The following KDM4D variants were observed in gnomAD, a reference collection of about 807,000 sequenced individuals.
KDM4D encodes the protein lysine-specific demethylase 4D.
For synonymous variants in KDM4D, 254 were observed against 249.1 expected, an observed-to-expected ratio of 1.02 and a Z score of -0.19; for missense variants, 427 against 674.8, an observed-to-expected ratio of 0.63 and a Z score of 4.07.
At chr11:94,980,869 G>A (rs1418826946) in intron 2 of KDM4D, among the ~76,000 whole-genome samples, 2 of 152,078 alleles carry the variant, frequency 1.3e-5, no homozygotes, top group African/African-American at 2.4e-5. Flanking sequence ...TGCCAATAGT[G>A]ACAGCTTTGT....
chr11:94,992,589 CT>C (rs1555098807), intron 2 of KDM4D, among the ~76,000 whole-genome samples: 1 of 151,834 alleles, frequency 6.6e-6, no homozygotes, highest in Non-Finnish European at 1.5e-5. Flanking sequence ...TATATTTTTT[CT>C]TTAAAGTTTT....
intron 2 of KDM4D, among the ~76,000 whole-genome samples, chr11:94,976,470 CATT>C (rs1233368136): frequency 6.6e-6 from 1 of 152,116 alleles, no homozygotes; most frequent in East Asian, 1.9e-4. Context: ...CTCAGATTCT[CATT>C]ATTACTGGAG....
chr11:94,980,052 T>C (rs1283348706), intron 2 of KDM4D, among the ~76,000 whole-genome samples: 1 of 152,212 alleles, frequency 6.6e-6, no homozygotes, highest in African/African-American at 2.4e-5. Context: ...CTTTATGGAT[T>C]TCTATGATTT....
chr11:94,983,113 G>A (rs1156279752), intron 2 of KDM4D, among the ~76,000 whole-genome samples: 1 of 151,934 alleles, frequency 6.6e-6, no homozygotes, highest in Non-Finnish European at 1.5e-5. Flanking sequence ...TAAAGCTTTA[G>A]TAATTAAAAC....
intron 2 of KDM4D, among the ~76,000 whole-genome samples, chr11:94,983,743 T>A (rs75011479): frequency 0.026 from 3,914 of 151,912 alleles, 164 homozygotes; most frequent in African/African-American, 0.088. Context: ...CAACAACAAC[T>A]ACAATAATAA....
intron 2 of KDM4D, among the ~76,000 whole-genome samples, chr11:94,982,543 T>TA (rs56220010): frequency 0.046 from 6,416 of 139,484 alleles, 187 homozygotes; most frequent in Admixed American, 0.098. Context: ...TCCCTATTTC[T>TA]AAAAAAAAAA....
At chr11:94,985,190 G>T (rs1037822579) in intron 2 of KDM4D, among the ~76,000 whole-genome samples, 2 of 152,152 alleles carry the variant, frequency 1.3e-5, no homozygotes, top group South Asian at 4.1e-4. Flanking sequence ...CAGATTGCAT[G>T]ATCTTATATA....
chr11:94,993,009 T>C (rs1857947969), intron 2 of KDM4D, among the ~76,000 whole-genome samples: 1 of 152,074 alleles, frequency 6.6e-6, no homozygotes, highest in African/African-American at 2.4e-5. Context: ...CTTGAAGTAA[T>C]AGATTTGAAA....
chr11:94,984,367 C>A (rs1483702222), intron 2 of KDM4D, among the ~76,000 whole-genome samples: 1 of 151,788 alleles, frequency 6.6e-6, no homozygotes, highest in African/African-American at 2.4e-5. Context: ...TGGTAGCCTG[C>A]GCCTATGGTC....
At position 94,997,739 on chromosome 11, in the gene KDM4D, C is replaced by T. The variant is rs782744103; in HGVS notation, c.367C>T (p.Arg123Ter). The change falls in exon 3 of 3, where the codon CGA (arginine) becomes TGA (stop). Residue 123 changes from arginine (R) to a stop codon, truncating the protein, a stop_gained. Coordinates refer to ENST00000335080, the MANE Select transcript of KDM4D (RefSeq NM_018039.3). LOFTEE classifies it low-confidence loss of function (END_TRUNC). ...PPHQNFEDLE[R>*]KYWKNRIYNS... ...ACACCAGAATTTCGAAGATTTGGAG[C>T]GAAAATACTGGAAGAACCGCATCTA... 1.9e-6 allele frequency: 3 copies of T among 1,614,166 alleles called. No homozygotes were observed. Among genetic ancestry groups the T allele is most frequent in the Non-Finnish European group, 2.5e-6 (3 of 1,180,046 alleles).
rs978290894 is a variant in KDM4D, at chr11:94,973,968, A to G, written c.-545A>G. 8 of 152,394 alleles carry G rather than the reference A, an allele frequency of 5.2e-5. No individual in the cohort carries two copies. Among genetic ancestry groups the G allele is most frequent in the Admixed American group, 2.0e-4 (3 of 15,306 alleles). 9.4% of individuals were successfully genotyped at this position (152,394 alleles called of 1,614,324 possible). Reference sequence around the variant, plus strand: ...CCATCCTTTCTCCTGAGCTAGAACCAACAAACCTAGAGAGTTGGGCTTCGG... The same window carrying G: ...CCATCCTTTCTCCTGAGCTAGAACCGACAAACCTAGAGAGTTGGGCTTCGG... On this transcript the variant is annotated 5_prime_UTR_variant, in exon 1 of 3. Transcript: ENST00000335080.
At chr11:94,995,416 G>T (rs1040418335) in intron 2 of KDM4D, among the ~76,000 whole-genome samples, 2 of 152,170 alleles carry the variant, frequency 1.3e-5, no homozygotes, top group African/African-American at 4.8e-5. Context: ...GTGATAAGTG[G>T]CAAGAGAACT....
At chr11:94,986,254 A>G (rs1470807850) in intron 2 of KDM4D, among the ~76,000 whole-genome samples, 1 of 152,188 alleles carries the variant, frequency 6.6e-6, no homozygotes, top group Non-Finnish European at 1.5e-5. Flanking sequence ...AAGCTTATGA[A>G]AAGATGTGCA....
At chr11:94,985,717 A>AT (rs1857879740) in intron 2 of KDM4D, among the ~76,000 whole-genome samples, 1 of 152,240 alleles carries the variant, frequency 6.6e-6, no homozygotes, top group African/African-American at 2.4e-5. Flanking sequence ...GCTAATTGCT[A>AT]TAAGGATAAA....
chr11:94,985,729 G>A (rs1161721901), intron 2 of KDM4D, among the ~76,000 whole-genome samples: 1 of 152,032 alleles, frequency 6.6e-6, no homozygotes, highest in South Asian at 2.1e-4. Context: ...AAGGATAAAC[G>A]GTTCAATGGA....
In KDM4D at chr11:94,996,298, C is replaced by A. The variant is rs139174317; in HGVS notation, c.-349-726C>A. The stretch of plus-strand genomic sequence containing the variant: ...ATGAGTTATTCTGATGGGTATGAAA[C>A]CAGCACCCAGGTTCTGAACAGATTA... On this transcript the variant is annotated intron_variant, in intron 2 of 2. Transcript: ENST00000335080. 8.3e-3 allele frequency among the ~76,000 whole-genome samples: 1,259 copies of A among 152,222 alleles called. 12 individuals carry two copies. Among genetic ancestry groups the A allele is most frequent in the Admixed American group, 0.018 (279 of 15,294 alleles).
intron 2 of KDM4D, among the ~76,000 whole-genome samples, chr11:94,983,527 T>C (rs754183522): frequency 2.8e-4 from 43 of 152,134 alleles, no homozygotes; most frequent in Non-Finnish European, 5.3e-4. Flanking sequence ...CTGAGATAAG[T>C]TATTTGCAAC....
chr11:94,985,191 A>T (rs1857874576), intron 2 of KDM4D, among the ~76,000 whole-genome samples: 1 of 152,228 alleles, frequency 6.6e-6, no homozygotes, highest in South Asian at 2.1e-4. Flanking sequence ...AGATTGCATG[A>T]TCTTATATAT....
intron 2 of KDM4D, among the ~76,000 whole-genome samples, chr11:94,977,995 CT>C (rs1212318991): frequency 1.3e-5 from 2 of 152,130 alleles, no homozygotes; most frequent in Admixed American, 6.5e-5. Context: ...AAAAAAGTAA[CT>C]TACATTGTAT....
Sources: allele counts gnomAD v4.1 joint callset (sites outside exome capture counted in the v4.1 genomes callset), GRCh38; gene constraint gnomAD v4.1.1; transcripts MANE v1.5; gene names NCBI Gene and HGNC (gene_info 2026-07-23, HGNC 2026-07-21).